QTMAN: variants seen among roughly 807,000 people sequenced by gnomAD.
QTMAN encodes the protein queuosine-tRNA mannosyltransferase.
the QTMAN span, among the ~76,000 whole-genome samples, chr2:144,265,479 C>T: frequency 6.6e-6 from 1 of 152,026 alleles, no homozygotes; most frequent in East Asian, 1.9e-4. Context: ...GGGCAGATCA[C>T]GAGGTCAGGA....
chr2:144,283,205 T>C, the QTMAN span, among the ~76,000 whole-genome samples: 2 of 152,230 alleles, frequency 1.3e-5, no homozygotes, highest in East Asian at 3.8e-4. Context: ...GATAGCCTAC[T>C]ACTTGAGATT....
chr2:144,137,827 T>C, the QTMAN span, among the ~76,000 whole-genome samples: 1 of 152,132 alleles, frequency 6.6e-6, no homozygotes, highest in Non-Finnish European at 1.5e-5. Flanking sequence ...TGAAACTTTT[T>C]TGTGACTTAA....
chr2:143,943,888 T>C, the QTMAN span: 1 of 152,176 alleles, frequency 6.6e-6, no homozygotes, highest in Non-Finnish European at 1.5e-5. Context: ...TGATATTTGT[T>C]ATAGAAACAC....
At chr2:144,259,761 T>G in the QTMAN span, among the ~76,000 whole-genome samples, 1 of 152,188 alleles carries the variant, frequency 6.6e-6, no homozygotes, top group South Asian at 2.1e-4. Flanking sequence ...AAGAAATTTA[T>G]TTTTAAAAAA....
the QTMAN span, among the ~76,000 whole-genome samples, chr2:144,039,959 C>G: frequency 1.3e-5 from 2 of 152,162 alleles, no homozygotes; most frequent in Non-Finnish European, 2.9e-5. Flanking sequence ...AGCCAGCTTG[C>G]TAAGAACCTA....
chr2:143,943,458 A>ACAG, the QTMAN span: 4 of 152,278 alleles, frequency 2.6e-5, no homozygotes, highest in Non-Finnish European at 5.9e-5. Flanking sequence ...GCATTAAAAG[A>ACAG]CAGCATGGAC....
chr2:144,161,500 T>A, the QTMAN span, among the ~76,000 whole-genome samples: 1 of 152,188 alleles, frequency 6.6e-6, no homozygotes, highest in Non-Finnish European at 1.5e-5. Context: ...GATCTAATCA[T>A]GTTACTGATA....
At chr2:144,030,257 T>C in the QTMAN span, among the ~76,000 whole-genome samples, 1 of 152,160 alleles carries the variant, frequency 6.6e-6, no homozygotes, top group Non-Finnish European at 1.5e-5. Flanking sequence ...CACAATCTCC[T>C]TGGGACAAAT....
At chr2:144,154,127 A>G in the QTMAN span, among the ~76,000 whole-genome samples, 3 of 152,226 alleles carry the variant, frequency 2.0e-5, no homozygotes, top group African/African-American at 4.8e-5. Context: ...ATAAAAGAAT[A>G]TAAGTGGTAC....
At chr2:143,956,602 T>C in the QTMAN span, among the ~76,000 whole-genome samples, 1 of 152,144 alleles carries the variant, frequency 6.6e-6, no homozygotes, top group East Asian at 1.9e-4. Flanking sequence ...GTTATTATGC[T>C]TTACATTCAG....
the QTMAN span, among the ~76,000 whole-genome samples, chr2:144,231,896 T>C: frequency 7.5e-6 from 1 of 133,244 alleles, no homozygotes; most frequent in Non-Finnish European, 1.7e-5. Flanking sequence ...GTGTGTGTTA[T>C]CTTTACTCGC....
the QTMAN span, among the ~76,000 whole-genome samples, chr2:144,153,081 G>C: frequency 6.6e-6 from 1 of 152,146 alleles, no homozygotes; most frequent in African/African-American, 2.4e-5. Flanking sequence ...GAATTAGTCA[G>C]AGAGGGCTAG....
At chr2:144,268,035 G>A in the QTMAN span, among the ~76,000 whole-genome samples, 1 of 152,174 alleles carries the variant, frequency 6.6e-6, no homozygotes. Context: ...AATATTGGTA[G>A]TATTGGAGGT....
the QTMAN span, among the ~76,000 whole-genome samples, chr2:144,306,467 G>A: frequency 6.6e-6 from 1 of 152,170 alleles, no homozygotes; most frequent in Non-Finnish European, 1.5e-5. Flanking sequence ...GTAGATGGCT[G>A]CCTTCTCACT....
At chr2:144,230,376 C>T in the QTMAN span, 1 of 152,120 alleles carries the variant, frequency 6.6e-6, no homozygotes, top group Non-Finnish European at 1.5e-5. Context: ...CTATCTTTAG[C>T]ATTACCAGGC....
At chr2:144,031,194 T>A in the QTMAN span, among the ~76,000 whole-genome samples, 7 of 151,826 alleles carry the variant, frequency 4.6e-5, no homozygotes, top group East Asian at 1.9e-4. Context: ...AACTGTTATT[T>A]TTTTTTTTTA....
the QTMAN span, among the ~76,000 whole-genome samples, chr2:144,194,079 T>TA: frequency 6.6e-6 from 1 of 152,160 alleles, no homozygotes; most frequent in Admixed American, 6.6e-5. Context: ...ACTCACATTT[T>TA]AAAATAAACA....
the QTMAN span, among the ~76,000 whole-genome samples, chr2:144,115,275 C>A: frequency 6.1e-3 from 931 of 152,124 alleles, 15 homozygotes; most frequent in African/African-American, 0.021. Context: ...AAACTGAAAT[C>A]TCTACGGTGG....
chr2:144,171,985 C>T, the QTMAN span, among the ~76,000 whole-genome samples: 8 of 152,032 alleles, frequency 5.3e-5, no homozygotes, highest in Non-Finnish European at 1.0e-4. Context: ...ATACGCTTCA[C>T]ATTTTATGTG....
Sources: gnomAD v4.1 joint callset for allele counts (sites outside exome capture counted in the v4.1 genomes callset) on GRCh38, gnomAD v4.1.1 for gene constraint, MANE v1.5 for transcripts, NCBI Gene and HGNC (gene_info 2026-07-23, HGNC 2026-07-21) for gene names.